Variants in JARID2 observed in about 807,000 individuals in gnomAD.
JARID2 encodes protein Jumonji.
JARID2 carries 21 observed loss-of-function variants against 125.6 expected under a neutral mutation model. The observed-to-expected ratio is 0.17, with a 90% CI of 0.12 to 0.24. The LOEUF (loss-of-function observed/expected upper bound fraction) is 0.24. Among genes scored for constraint, JARID2 ranks in the 10% least tolerant of loss-of-function variants. The probability of loss-of-function intolerance (pLI) is 1.00; values close to 1 mark genes in which losing one functional copy is unlikely to be tolerated. For synonymous variants in JARID2, 736 were observed against 661.6 expected, an observed-to-expected ratio of 1.11 and a Z score of -1.73; for missense variants, 1,303 against 1,639.6, an observed-to-expected ratio of 0.79 and a Z score of 3.55.
At position 15,513,434 on chromosome 6, in the gene JARID2, T is replaced by G. The variant is rs202086939; in HGVS notation, c.3450+12T>G. On this transcript the variant is annotated intron_variant, in intron 16 of 17. Coordinates refer to ENST00000341776, the MANE Select transcript of JARID2 (RefSeq NM_004973.4). ...GCTACCTGTCCATGGTGAGCCCGCC[T>G]GGCCCTGCCGGCGCCCTCGCATGTA... 13,265 of 1,589,984 alleles carry G rather than the reference T, an allele frequency of 8.3e-3. 79 individuals carry two copies. The highest frequency in any genetic ancestry group is 0.017 in the Middle Eastern group (101 of 5,958).
intron 1 of JARID2, among the ~76,000 whole-genome samples, chr6:15,285,211 A>C (rs1760951353): frequency 6.7e-6 from 1 of 150,106 alleles, no homozygotes; most frequent in African/African-American, 2.5e-5. Flanking sequence ...CTGGGGTTCA[A>C]GCGATTCTCT....
intron 1 of JARID2, among the ~76,000 whole-genome samples, chr6:15,275,521 A>C (rs78452088): frequency 0.14 from 1,735 of 12,138 alleles, 29 homozygotes; most frequent in Non-Finnish European, 0.18. Flanking sequence ...AAGTCCATTT[A>C]CCGCCCCCCC....
chr6:15,415,951 G>A (rs1417445177), intron 3 of JARID2, among the ~76,000 whole-genome samples: 1 of 151,772 alleles, frequency 6.6e-6, no homozygotes, highest in African/African-American at 2.4e-5. Context: ...GCCGGGCGGA[G>A]GGTCTCCTCA....
chr6:15,435,958 A>G (rs1767183160), intron 3 of JARID2, among the ~76,000 whole-genome samples: 1 of 152,052 alleles, frequency 6.6e-6, no homozygotes, highest in Non-Finnish European at 1.5e-5. Flanking sequence ...TCCCCCTCTC[A>G]GGGCGTGCGA....
intron 2 of JARID2, among the ~76,000 whole-genome samples, chr6:15,395,299 G>C (rs1021739335): frequency 6.6e-6 from 1 of 151,972 alleles, no homozygotes; most frequent in South Asian, 2.1e-4. Flanking sequence ...ATGCTTTTTT[G>C]GGGGGTGGTG....
chr6:15,517,092 C>G, intron 16 of JARID2, 69 bp from the exon 17 acceptor site: 1 of 1,216,766 alleles, frequency 8.2e-7, no homozygotes, highest in Non-Finnish European at 1.2e-6. Context: ...CGGGCGTGCT[C>G]CTACCTTACC....
At chr6:15,361,405 C>CT (rs961964972) in intron 1 of JARID2, among the ~76,000 whole-genome samples, 1 of 152,206 alleles carries the variant, frequency 6.6e-6, no homozygotes, top group Non-Finnish European at 1.5e-5. Flanking sequence ...AATTTCTTAT[C>CT]TCCCCCACTT....
At chr6:15,317,103 T>C (rs987010425) in intron 1 of JARID2, among the ~76,000 whole-genome samples, 2 of 152,222 alleles carry the variant, frequency 1.3e-5, no homozygotes, top group Non-Finnish European at 2.9e-5. Flanking sequence ...TAATTAGCAA[T>C]GGTACTTTGT....
intron 1 of JARID2, among the ~76,000 whole-genome samples, chr6:15,321,324 C>T (rs1416343941): frequency 6.6e-6 from 1 of 152,080 alleles, no homozygotes; most frequent in African/African-American, 2.4e-5. Flanking sequence ...GAGTTGTCCA[C>T]TCTGTAACTA....
At chr6:15,335,059 C>G (rs1416788475) in intron 1 of JARID2, among the ~76,000 whole-genome samples, 1 of 152,106 alleles carries the variant, frequency 6.6e-6, no homozygotes, top group Non-Finnish European at 1.5e-5. Context: ...GGAATGGGCC[C>G]CCAGGGGATA....
intron 2 of JARID2, among the ~76,000 whole-genome samples, chr6:15,404,427 A>C (rs936231435): frequency 6.6e-6 from 1 of 151,760 alleles, no homozygotes; most frequent in African/African-American, 2.4e-5. Flanking sequence ...TTTCACTATC[A>C]ATGGCAGCAA....
chr6:15,389,020 G>C (rs1324678851), intron 2 of JARID2, among the ~76,000 whole-genome samples: 1 of 152,096 alleles, frequency 6.6e-6, no homozygotes, highest in Non-Finnish European at 1.5e-5. Context: ...ACGTGTGGAG[G>C]CTCCCAGGCT....
At chr6:15,390,676 T>C (rs1051170557) in intron 2 of JARID2, among the ~76,000 whole-genome samples, 20 of 152,186 alleles carry the variant, frequency 1.3e-4, no homozygotes, top group African/African-American at 4.8e-4. Context: ...ATGTGTGCTC[T>C]GTAAAACTGA....
intron 17 of JARID2, among the ~76,000 whole-genome samples, chr6:15,517,528 C>A (rs539058663): frequency 6.6e-6 from 1 of 152,206 alleles, no homozygotes. Context: ...CAGCCGCCCC[C>A]CCGGCTTTCC....
chr6:15,297,025 C>A (rs982457392), intron 1 of JARID2, among the ~76,000 whole-genome samples: 1 of 152,348 alleles, frequency 6.6e-6, no homozygotes, highest in Non-Finnish European at 1.5e-5. Flanking sequence ...TCTGAGAAGT[C>A]CTGCAGTCTT....
intron 1 of JARID2, among the ~76,000 whole-genome samples, chr6:15,337,677 A>G (rs1350806886): frequency 2.0e-5 from 3 of 151,316 alleles, no homozygotes; most frequent in African/African-American, 7.3e-5. Flanking sequence ...ACCCCCCTGA[A>G]TTTTCCCCTT....
chr6:15,377,764 C>T (rs1167280857), intron 2 of JARID2, among the ~76,000 whole-genome samples: 4 of 151,770 alleles, frequency 2.6e-5, no homozygotes, highest in East Asian at 1.9e-4. Flanking sequence ...AAACTCCTGA[C>T]GTTGTGATCT....
At chr6:15,299,738 C>T (rs971682512) in intron 1 of JARID2, among the ~76,000 whole-genome samples, 11 of 152,116 alleles carry the variant, frequency 7.2e-5, no homozygotes, top group African/African-American at 2.7e-4. Flanking sequence ...CTCATTTGGC[C>T]GGAAGCTACT....
chr6:15,338,288 T>G (rs1762948429), intron 1 of JARID2, among the ~76,000 whole-genome samples: 1 of 152,196 alleles, frequency 6.6e-6, no homozygotes, highest in Non-Finnish European at 1.5e-5. Context: ...CAACCAGTTC[T>G]CTTCACCACT....
Sources: gnomAD v4.1 joint callset for allele counts (sites outside exome capture counted in the v4.1 genomes callset) on GRCh38, gnomAD v4.1.1 for gene constraint, MANE v1.5 for transcripts, NCBI Gene and HGNC (gene_info 2026-07-23, HGNC 2026-07-21) for gene names.